Variants in SLC4A4 observed in about 807,000 individuals in gnomAD.
The protein encoded by SLC4A4 is electrogenic sodium bicarbonate cotransporter 1.
Under a neutral mutation model 111.5 loss-of-function variants are expected in SLC4A4, and 27 were observed. The ratio of observed to expected loss-of-function variants is 0.24; its 90% confidence interval spans 0.18 to 0.33. The LOEUF is 0.33. SLC4A4 is among the 10% of genes least tolerant of loss of function. The pLI, the probability that SLC4A4 is intolerant of heterozygous loss-of-function variation, is 1.00. For missense variants in SLC4A4, 909 were observed against 1,315.5 expected (o/e 0.69, Z 4.78); for synonymous variants, 443 against 463.4 (o/e 0.96, Z 0.57).
chr4:71,441,465 T>C (rs1018224867), intron 8 of SLC4A4, among the ~76,000 whole-genome samples: 5 of 151,962 alleles, frequency 3.3e-5, no homozygotes, highest in Non-Finnish European at 7.4e-5. Context: ...AAAGAAAACT[T>C]GTAGTCTTCA....
intron 2 of SLC4A4, among the ~76,000 whole-genome samples, chr4:71,154,060 G>C (rs1230450916): frequency 6.6e-6 from 1 of 152,164 alleles, no homozygotes; most frequent in Non-Finnish European, 1.5e-5. Context: ...ATTATGATTG[G>C]GGAGTTCCTT....
At chr4:71,514,743 ATC>A (rs2149180955) in intron 16 of SLC4A4, among the ~76,000 whole-genome samples, 1 of 152,272 alleles carries the variant, frequency 6.6e-6, no homozygotes, top group East Asian at 1.9e-4. Context: ...CCAGGAATTT[ATC>A]CATTTCCTCT....
intron 2 of SLC4A4, among the ~76,000 whole-genome samples, chr4:71,250,149 A>AT (rs1294923358): frequency 6.6e-6 from 1 of 151,756 alleles, no homozygotes; most frequent in Non-Finnish European, 1.5e-5. Context: ...TTAATAAAAA[A>AT]AAATAAATCT....
chr4:71,458,091 T>G (rs1399885669), intron 12 of SLC4A4, among the ~76,000 whole-genome samples: 1 of 152,128 alleles, frequency 6.6e-6, no homozygotes, highest in East Asian at 1.9e-4. Flanking sequence ...GGCCAATTCA[T>G]TTATATTCTT....
chr4:71,371,386 G>A (rs1731863151), intron 6 of SLC4A4, among the ~76,000 whole-genome samples: 1 of 151,618 alleles, frequency 6.6e-6, no homozygotes, highest in Non-Finnish European at 1.5e-5. Context: ...TGGGATTACA[G>A]GCGCCCACCA....
chr4:71,448,191 A>G (rs1261709972), intron 9 of SLC4A4, among the ~76,000 whole-genome samples: 1 of 151,884 alleles, frequency 6.6e-6, no homozygotes, highest in African/African-American at 2.4e-5. Context: ...ATGGTGGTGC[A>G]TGCCTGTAAT....
At position 71,092,968 on chromosome 4, in the gene SLC4A4, G is replaced by A. The variant is rs766579556; in HGVS notation, c.-2+176G>A. ...AAATTAGCTGGGCGTGGTGGCGTGC[G>A]CCTGTAGTCCCAGCTACTCGGGAGG... On this transcript the variant is annotated intron_variant, in intron 2 of 26. Coordinates refer to the SLC4A4 transcript ENST00000649996. Among the ~76,000 whole-genome samples the A allele has an allele frequency of 4.0e-5, 6 of 151,878 alleles. No individual in the cohort carries two copies. In the East Asian group the frequency reaches 7.8e-4, roughly 20 times the overall value.
intron 2 of SLC4A4, among the ~76,000 whole-genome samples, chr4:71,117,380 G>A (rs1301918956): frequency 1.3e-5 from 2 of 152,064 alleles, no homozygotes; most frequent in African/African-American, 2.4e-5. Flanking sequence ...AAATATAGAT[G>A]GCTTGTGAAT....
intron 6 of SLC4A4, among the ~76,000 whole-genome samples, chr4:71,361,844 A>G (rs1578920289): frequency 6.6e-6 from 1 of 152,326 alleles, no homozygotes; most frequent in East Asian, 1.9e-4. Context: ...TTAGAAAGTA[A>G]AAGTAAAGTT....
chr4:71,396,735 G>A (rs1719850123), intron 6 of SLC4A4, among the ~76,000 whole-genome samples: 1 of 152,108 alleles, frequency 6.6e-6, no homozygotes. Context: ...AACAGCCTGT[G>A]GCTCTTCTAC....
intron 12 of SLC4A4, among the ~76,000 whole-genome samples, chr4:71,455,912 A>G (rs1002551932): frequency 1.3e-5 from 2 of 152,170 alleles, no homozygotes; most frequent in Admixed American, 1.3e-4. Context: ...TCTATTATGT[A>G]ACATACATAG....
chr4:71,463,084 C>T (rs1726990754), intron 12 of SLC4A4, among the ~76,000 whole-genome samples: 1 of 152,154 alleles, frequency 6.6e-6, no homozygotes. Flanking sequence ...TTCTACTGTT[C>T]CACAGTGGTG....
At chr4:71,338,739 A>G (rs1728634539) in intron 3 of SLC4A4, among the ~76,000 whole-genome samples, 1 of 151,618 alleles carries the variant, frequency 6.6e-6, no homozygotes, top group Non-Finnish European at 1.5e-5. Context: ...CAAGTGTACA[A>G]TATTTTACTT....
chr4:71,278,363 G>A (rs142453159), intron 3 of SLC4A4, among the ~76,000 whole-genome samples: 5 of 152,176 alleles, frequency 3.3e-5, no homozygotes, highest in Admixed American at 6.5e-5. Flanking sequence ...TGGTCATTTC[G>A]TGTCTTAGAT....
chr4:71,488,924 G>A (rs1236251857), intron 15 of SLC4A4, among the ~76,000 whole-genome samples: 4 of 150,826 alleles, frequency 2.7e-5, no homozygotes, highest in South Asian at 4.2e-4. Context: ...GTGTGTGTGT[G>A]TGTGGTCATG....
At chr4:71,162,684 A>G (rs187441659) in intron 2 of SLC4A4, among the ~76,000 whole-genome samples, 166 of 152,316 alleles carry the variant, frequency 1.1e-3, no homozygotes, top group African/African-American at 3.6e-3. Flanking sequence ...CTGTGAAAGA[A>G]CATTTTATCT....
chr4:71,143,404 G>A (rs1171221921), intron 2 of SLC4A4, among the ~76,000 whole-genome samples: 3 of 152,164 alleles, frequency 2.0e-5, no homozygotes, highest in South Asian at 4.2e-4. Flanking sequence ...TGCCGCAGTA[G>A]ACATACGTGT....
At chr4:71,547,497 A>G (rs916528500) in intron 19 of SLC4A4, 151 bp from the exon 20 acceptor site, 3 of 708,464 alleles carry the variant, frequency 4.2e-6, no homozygotes, top group African/African-American at 1.8e-5. Flanking sequence ...TTTATACGCT[A>G]TCCTTGAGGT....
At chr4:71,432,961 G>C (rs532760943) in intron 7 of SLC4A4, among the ~76,000 whole-genome samples, 2 of 152,060 alleles carry the variant, frequency 1.3e-5, no homozygotes, top group East Asian at 3.9e-4. Flanking sequence ...CATTTATATT[G>C]GATAAGTATA....
Sources: gnomAD v4.1 joint callset for allele counts (sites outside exome capture counted in the v4.1 genomes callset) on GRCh38, gnomAD v4.1.1 for gene constraint, MANE v1.5 for transcripts, NCBI Gene and HGNC (gene_info 2026-07-23, HGNC 2026-07-21) for gene names.